CTNNA2: variants seen among roughly 807,000 people sequenced by gnomAD.
CTNNA2 encodes catenin alpha 2.
CTNNA2 carries 42 observed loss-of-function variants against 101.0 expected under a neutral mutation model. The observed-to-expected ratio is 0.42, with a 90% CI of 0.32 to 0.54. CTNNA2 has a LOEUF of 0.54. CTNNA2 is among the 20% of genes least tolerant of loss of function. The pLI is 0.14. For synonymous variants in CTNNA2, 450 were observed against 456.4 expected (o/e 0.99, Z 0.18); for missense variants, 871 against 1,223.1 (o/e 0.71, Z 4.29).
intron 18 of CTNNA2, among the ~76,000 whole-genome samples, chr2:80,645,978 A>T (rs1405260068): frequency 6.6e-6 from 1 of 152,152 alleles, no homozygotes; most frequent in Admixed American, 6.6e-5. Context: ...TGACATTTTT[A>T]AAAACACAGC....
At chr2:79,684,866 C>T (rs1479886995) in intron 2 of CTNNA2, among the ~76,000 whole-genome samples, 3 of 152,096 alleles carry the variant, frequency 2.0e-5, no homozygotes, top group Admixed American at 1.3e-4. Context: ...TTCTCACTAC[C>T]GAGCTGACCT....
intron 2 of CTNNA2, among the ~76,000 whole-genome samples, chr2:79,663,408 C>T (rs996005929): frequency 6.6e-6 from 1 of 152,198 alleles, no homozygotes; most frequent in Non-Finnish European, 1.5e-5. Context: ...TTGTACCTTG[C>T]TGTAATCACC....
intron 9 of CTNNA2, among the ~76,000 whole-genome samples, chr2:80,461,644 A>T (rs1211881304): frequency 6.6e-6 from 1 of 152,036 alleles, no homozygotes. Flanking sequence ...TGTTATGTTC[A>T]TGTACTGGTG....
chr2:80,185,926 G>T (rs1372586022), intron 7 of CTNNA2, among the ~76,000 whole-genome samples: 1 of 152,130 alleles, frequency 6.6e-6, no homozygotes, highest in Non-Finnish European at 1.5e-5. Context: ...TCAGCTGCTG[G>T]CAACATAAGC....
intron 17 of CTNNA2, among the ~76,000 whole-genome samples, chr2:80,613,505 C>T (rs1052912700): frequency 4.6e-5 from 7 of 151,300 alleles, no homozygotes; most frequent in Non-Finnish European, 8.9e-5. Flanking sequence ...TGTGTCTGTT[C>T]TCTGAATTCA....
intron 18 of CTNNA2, among the ~76,000 whole-genome samples, chr2:80,641,179 AATC>A (rs1673435233): frequency 6.6e-6 from 1 of 152,210 alleles, no homozygotes; most frequent in South Asian, 2.1e-4. Context: ...CATTTGAAGT[AATC>A]AAAGTAAACA....
chr2:79,244,458 T>G (rs569627713), intron 2 of CTNNA2, among the ~76,000 whole-genome samples: 2 of 152,310 alleles, frequency 1.3e-5, no homozygotes, highest in East Asian at 3.9e-4. Flanking sequence ...GGCTCTTGTT[T>G]TGTTTGGCGA....
At chr2:80,200,693 G>A (rs1000044209) in intron 7 of CTNNA2, among the ~76,000 whole-genome samples, 4 of 151,896 alleles carry the variant, frequency 2.6e-5, no homozygotes, top group Admixed American at 6.6e-5. Flanking sequence ...CTGCCACCAC[G>A]CCCGGCTAAT....
intron 4 of CTNNA2, among the ~76,000 whole-genome samples, chr2:79,867,598 G>C (rs1682237319): frequency 6.6e-6 from 1 of 152,078 alleles, no homozygotes; most frequent in South Asian, 2.1e-4. Context: ...TACACGGAAA[G>C]ACCCCATTCT....
intron 2 of CTNNA2, among the ~76,000 whole-genome samples, chr2:79,701,315 T>TG (rs1466199875): frequency 1.3e-5 from 2 of 152,250 alleles, no homozygotes; most frequent in Admixed American, 1.3e-4. Flanking sequence ...CAGGGTCTTA[T>TG]GCCATACTGC....
At chr2:79,445,405 C>T (rs1340716752) in intron 4 of CTNNA2, among the ~76,000 whole-genome samples, 3 of 152,288 alleles carry the variant, frequency 2.0e-5, no homozygotes, top group East Asian at 3.9e-4. Context: ...TTGAACCTCC[C>T]ATAGTTTCTT....
intron 9 of CTNNA2, among the ~76,000 whole-genome samples, chr2:80,518,487 G>A (rs1447081847): frequency 6.6e-6 from 1 of 152,166 alleles, no homozygotes; most frequent in African/African-American, 2.4e-5. Context: ...TATTAGACAT[G>A]TTGAAATGCA....
chr2:80,260,592 G>A (rs1382733444), intron 7 of CTNNA2, among the ~76,000 whole-genome samples: 1 of 152,064 alleles, frequency 6.6e-6, no homozygotes, highest in Non-Finnish European at 1.5e-5. Context: ...AGGCTTTCAG[G>A]TAACAGCTAT....
intron 9 of CTNNA2, among the ~76,000 whole-genome samples, chr2:80,481,271 G>C (rs572827569): frequency 2.0e-5 from 3 of 152,210 alleles, no homozygotes; most frequent in African/African-American, 7.2e-5. Flanking sequence ...TGGCAGAGGA[G>C]TCGTGGTACA....
At chr2:79,191,121 C>T (rs1673864111) in intron 1 of CTNNA2, among the ~76,000 whole-genome samples, 1 of 152,162 alleles carries the variant, frequency 6.6e-6, no homozygotes, top group Non-Finnish European at 1.5e-5. Context: ...TGCTGGAGCC[C>T]AGGGTCCAGG....
intron 2 of CTNNA2, among the ~76,000 whole-genome samples, chr2:79,699,387 A>G (rs934978668): frequency 3.9e-5 from 6 of 152,076 alleles, no homozygotes; most frequent in Admixed American, 3.3e-4. Flanking sequence ...AATTTTACAC[A>G]TAGATGATAG....
At chr2:80,587,074 A>T (rs1282575386) in intron 14 of CTNNA2, among the ~76,000 whole-genome samples, 1 of 152,142 alleles carries the variant, frequency 6.6e-6, no homozygotes, top group Non-Finnish European at 1.5e-5. Flanking sequence ...CCAGTTGTGT[A>T]GAGTGGTTAA....
intron 7 of CTNNA2, among the ~76,000 whole-genome samples, chr2:79,994,137 T>G (rs1260381987): frequency 6.6e-6 from 1 of 152,128 alleles, no homozygotes; most frequent in South Asian, 2.1e-4. Context: ...AGGCTGGTCT[T>G]GAACTCCTGG....
At chr2:79,936,335 G>C (rs1033265513) in intron 7 of CTNNA2, among the ~76,000 whole-genome samples, 1 of 151,468 alleles carries the variant, frequency 6.6e-6, no homozygotes, top group Non-Finnish European at 1.5e-5. Context: ...TTTATCTACA[G>C]TTTACGGTAT....
Sources: gnomAD v4.1 joint callset for allele counts (sites outside exome capture counted in the v4.1 genomes callset) on GRCh38, gnomAD v4.1.1 for gene constraint, MANE v1.5 for transcripts, NCBI Gene and HGNC (gene_info 2026-07-23, HGNC 2026-07-21) for gene names.